NLGN1: variants seen among roughly 807,000 people sequenced by gnomAD.
The protein encoded by NLGN1 is neuroligin-1.
NLGN1 carries 12 observed loss-of-function variants against 65.5 expected under a neutral mutation model. The ratio of observed to expected loss-of-function variants is 0.18; its 90% confidence interval spans 0.12 to 0.30. NLGN1 has a LOEUF of 0.30. Among genes scored for constraint, NLGN1 ranks in the 10% least tolerant of loss-of-function variants. NLGN1 has a pLI of 1.00. For synonymous variants in NLGN1, 350 were observed against 359.5 expected (o/e 0.97, Z 0.30); for missense variants, 750 against 1,007.1 (o/e 0.74, Z 3.46).
chr3:173,780,511 T>C (rs1206106299), intron 3 of NLGN1, among the ~76,000 whole-genome samples: 1 of 152,208 alleles, frequency 6.6e-6, no homozygotes, highest in African/African-American at 2.4e-5. Flanking sequence ...ATCTATACCT[T>C]CAATGCCACA....
chr3:173,868,067 C>T (rs1730523495), intron 4 of NLGN1, among the ~76,000 whole-genome samples: 1 of 152,080 alleles, frequency 6.6e-6, no homozygotes, highest in African/African-American at 2.4e-5. Flanking sequence ...AAATATTTCC[C>T]AGTTACATTA....
chr3:173,949,755 A>G (rs902643079), intron 4 of NLGN1, among the ~76,000 whole-genome samples: 5 of 152,186 alleles, frequency 3.3e-5, no homozygotes, highest in African/African-American at 4.8e-5. Context: ...AATTTATACA[A>G]ATTTATTACC....
At chr3:174,248,138 G>A (rs1431495367) in intron 4 of NLGN1, among the ~76,000 whole-genome samples, 1 of 152,110 alleles carries the variant, frequency 6.6e-6, no homozygotes, top group Admixed American at 6.5e-5. Context: ...AAAAGTAAAG[G>A]GACATGTAGA....
intron 4 of NLGN1, among the ~76,000 whole-genome samples, chr3:173,815,076 C>T (rs1229054413): frequency 6.8e-6 from 1 of 148,004 alleles, no homozygotes; most frequent in East Asian, 2.0e-4. Flanking sequence ...TTCTTTCCTT[C>T]GTTCCTTCTT....
chr3:173,818,419 T>C (rs1719476156), intron 4 of NLGN1, among the ~76,000 whole-genome samples: 2 of 152,182 alleles, frequency 1.3e-5, no homozygotes, highest in African/African-American at 4.8e-5. Flanking sequence ...TTAAATATTT[T>C]GTAAGACAGA....
intron 2 of NLGN1, among the ~76,000 whole-genome samples, chr3:173,485,580 C>A (rs1728048851): frequency 1.3e-5 from 2 of 152,082 alleles, no homozygotes; most frequent in Non-Finnish European, 1.5e-5. Flanking sequence ...AACATGGTTT[C>A]TCTCTTAATA....
chr3:173,514,237 ATGTT>A (rs1733470649), intron 2 of NLGN1, among the ~76,000 whole-genome samples: 1 of 152,182 alleles, frequency 6.6e-6, no homozygotes, highest in Non-Finnish European at 1.5e-5. Flanking sequence ...ATTTTTAAAA[ATGTT>A]TGTTTCAATA....
chr3:174,263,813 G>A (rs1264852), intron 4 of NLGN1, among the ~76,000 whole-genome samples: 14,678 of 151,008 alleles, frequency 0.097, 919 homozygotes, highest in Non-Finnish European at 0.14. Context: ...ATTTTGCAGC[G>A]GCTGGTACCG....
At chr3:174,059,113 A>G (rs1736828445) in intron 4 of NLGN1, among the ~76,000 whole-genome samples, 2 of 152,152 alleles carry the variant, frequency 1.3e-5, no homozygotes, top group South Asian at 4.1e-4. Context: ...GGGCACCTCA[A>G]TTATTCTCCA....
chr3:173,547,961 A>T (rs1432559683), intron 2 of NLGN1, among the ~76,000 whole-genome samples: 1 of 152,018 alleles, frequency 6.6e-6, no homozygotes, highest in Non-Finnish European at 1.5e-5. Flanking sequence ...TCCTCAAAGC[A>T]CTATCTCGGG....
intron 2 of NLGN1, among the ~76,000 whole-genome samples, chr3:173,515,340 T>A (rs892867101): frequency 6.6e-6 from 1 of 152,156 alleles, no homozygotes; most frequent in African/African-American, 2.4e-5. Flanking sequence ...TTAAATTAAG[T>A]TATTACTTAT....
chr3:173,986,207 G>A (rs1005724036), intron 4 of NLGN1, among the ~76,000 whole-genome samples: 1 of 152,020 alleles, frequency 6.6e-6, no homozygotes, highest in African/African-American at 2.4e-5. Context: ...GGTGGCTCAC[G>A]CCTGTAATCC....
intron 4 of NLGN1, among the ~76,000 whole-genome samples, chr3:173,836,878 C>G (rs1723722043): frequency 6.6e-6 from 1 of 152,048 alleles, no homozygotes; most frequent in South Asian, 2.1e-4. Flanking sequence ...CTAAGGCCAT[C>G]AACAAAATGA....
intron 3 of NLGN1, among the ~76,000 whole-genome samples, chr3:173,758,280 A>G (rs1578290189): frequency 6.6e-6 from 1 of 151,988 alleles, no homozygotes; most frequent in South Asian, 2.1e-4. Context: ...TGAGAAATAA[A>G]TTTCTGTTGT....
chr3:174,224,421 G>A (rs931664113), intron 4 of NLGN1, among the ~76,000 whole-genome samples: 3 of 152,132 alleles, frequency 2.0e-5, no homozygotes, highest in Admixed American at 6.5e-5. Context: ...AAATCTGGCC[G>A]GGCGTGATGG....
intron 4 of NLGN1, among the ~76,000 whole-genome samples, chr3:174,194,443 G>A (rs1292012567): frequency 1.2e-4 from 18 of 147,442 alleles, no homozygotes; most frequent in South Asian, 2.1e-4. Flanking sequence ...GCTAGACTCC[G>A]TCTCAAAAAA....
chr3:173,705,531 C>T (rs965236485), intron 3 of NLGN1, among the ~76,000 whole-genome samples: 12 of 152,070 alleles, frequency 7.9e-5, no homozygotes, highest in Admixed American at 4.6e-4. Context: ...TCCTAAGAAG[C>T]GTTTACAGTT....
At chr3:174,188,969 A>G (rs114586536) in intron 4 of NLGN1, among the ~76,000 whole-genome samples, 2 of 152,108 alleles carry the variant, frequency 1.3e-5, no homozygotes, top group African/African-American at 4.8e-5. Context: ...AGTTCTTACC[A>G]TAGTTAAAAT....
intron 4 of NLGN1, among the ~76,000 whole-genome samples, chr3:174,008,564 G>A (rs1468547891): frequency 6.6e-6 from 1 of 151,920 alleles, no homozygotes; most frequent in Non-Finnish European, 1.5e-5. Flanking sequence ...CTGCAGGCAG[G>A]TACTCAGGTT....
Sources: allele counts gnomAD v4.1 joint callset (sites outside exome capture counted in the v4.1 genomes callset), GRCh38; gene constraint gnomAD v4.1.1; transcripts MANE v1.5; gene names NCBI Gene and HGNC (gene_info 2026-07-23, HGNC 2026-07-21).